GRM5: variants seen among roughly 807,000 people sequenced by gnomAD.
GRM5 encodes metabotropic glutamate receptor 5.
A neutral mutation model predicts 83.1 loss-of-function variants in GRM5; 19 were observed. The observed-to-expected ratio is 0.23, with a 90% CI of 0.16 to 0.34. The LOEUF (loss-of-function observed/expected upper bound fraction) is 0.34. Ranked by LOEUF, GRM5 falls within the 10% of genes least tolerant of loss-of-function variation. The pLI, the probability that GRM5 is intolerant of heterozygous loss-of-function variation, is 1.00. For synonymous variants in GRM5, 675 were observed against 633.6 expected (o/e 1.07, Z -0.98); for missense variants, 1,160 against 1,588.3 (o/e 0.73, Z 4.58).
chr11:88,665,570 A>T (rs1009474039), intron 3 of GRM5, among the ~76,000 whole-genome samples: 1 of 152,200 alleles, frequency 6.6e-6, no homozygotes, highest in Non-Finnish European at 1.5e-5. Flanking sequence ...TTACACTGGG[A>T]TTCAGATTAA....
rs781613423 is a variant in GRM5 at position 88,641,430 on chromosome 11, T to C, written c.1147+11738A>G. On this transcript the variant is annotated intron_variant, in intron 4 of 9. Transcript: ENST00000305447. ...GCCCCTCAAATCTCATATTCTCACATTGCAAAACACAATCACTTCTCAACA... is the reference window on the plus strand; with the variant it reads ...GCCCCTCAAATCTCATATTCTCACACTGCAAAACACAATCACTTCTCAACA... Among the ~76,000 whole-genome samples, 7 of 152,044 alleles carry C rather than the reference T, an allele frequency of 4.6e-5. No homozygotes were observed. The South Asian group carries it at 8.3e-4, about 18-fold the overall frequency.
chr11:88,590,663 A>G lies in GRM5; in HGVS notation c.1628T>C (p.Val543Ala). The change falls in exon 7 of 10, where the codon GTC (valine) becomes GCC (alanine). Residue 543 changes from valine to alanine, a missense_variant. Transcript: ENST00000305447. ...TGCCTTGCATGTGTACTCATCAAAG[A>G]CATACTCATTCTCCTTACAAGGTGT... ...TCTPCKENEYVFDEYTCKACQ... is the reference protein window; with the variant it reads ...TCTPCKENEYAFDEYTCKACQ... 1.2e-6 allele frequency: 2 copies of G among 1,607,566 alleles called. No homozygotes were observed. Among genetic ancestry groups the G allele is most frequent in the Non-Finnish European group, 1.7e-6 (2 of 1,174,102 alleles).
intron 3 of GRM5, among the ~76,000 whole-genome samples, chr11:88,671,614 A>G (rs1413704143): frequency 1.3e-5 from 2 of 152,118 alleles, no homozygotes; most frequent in Non-Finnish European, 2.9e-5. Context: ...CTACCGTTAC[A>G]TGAAGGAAAA....
chr11:89,009,900 CAAAAAAAAAAAAAA>C (rs758398638), intron 2 of GRM5, among the ~76,000 whole-genome samples: 1 of 21,688 alleles, frequency 4.6e-5, no homozygotes, highest in African/African-American at 1.2e-4. Context: ...GACTCCGTCT[CAAAAAAAAAAAAAA>C]AAAAAAAAAA....
chr11:88,562,071 G>T (rs983547263), intron 8 of GRM5, among the ~76,000 whole-genome samples: 4 of 152,056 alleles, frequency 2.6e-5, no homozygotes, highest in African/African-American at 9.7e-5. Context: ...TCCAAAGTAA[G>T]TTCTTTGGAG....
chr11:88,786,374 C>T (rs12802000), intron 3 of GRM5, among the ~76,000 whole-genome samples: 80,035 of 151,916 alleles, frequency 0.53, 23,805 homozygotes, highest in Non-Finnish European at 0.7. Context: ...ATTCTTAATG[C>T]ATTGCTTTGC....
intron 2 of GRM5, among the ~76,000 whole-genome samples, chr11:88,963,847 A>C (rs888243997): frequency 1.3e-5 from 2 of 152,198 alleles, no homozygotes; most frequent in African/African-American, 4.8e-5. Context: ...TCAGTACATT[A>C]TGGCCAATAT....
At chr11:88,782,471 C>T (rs1009571474) in intron 3 of GRM5, among the ~76,000 whole-genome samples, 1 of 152,172 alleles carries the variant, frequency 6.6e-6, no homozygotes, top group African/African-American at 2.4e-5. Flanking sequence ...ATAGCAAAGA[C>T]CTGCCCTTGT....
intron 4 of GRM5, among the ~76,000 whole-genome samples, chr11:88,631,297 A>G (rs1351289426): frequency 6.6e-6 from 1 of 152,174 alleles, no homozygotes; most frequent in Non-Finnish European, 1.5e-5. Flanking sequence ...CAGAGGAAAC[A>G]TCTGTTTTTT....
At chr11:88,994,628 C>G (rs1360203638) in intron 2 of GRM5, among the ~76,000 whole-genome samples, 1 of 125,132 alleles carries the variant, frequency 8.0e-6, no homozygotes, top group Non-Finnish European at 1.6e-5. Flanking sequence ...AAAAAAAAAA[C>G]AGTAAAACAC....
intron 2 of GRM5, among the ~76,000 whole-genome samples, chr11:88,991,812 G>T (rs1433240244): frequency 6.6e-6 from 1 of 152,060 alleles, no homozygotes; most frequent in Non-Finnish European, 1.5e-5. Flanking sequence ...CTAGCCATAT[G>T]TAGAAAGCTG....
chr11:88,603,494 TG>T (rs148957474), intron 5 of GRM5, among the ~76,000 whole-genome samples: 3,600 of 152,300 alleles, frequency 0.024, 136 homozygotes, highest in African/African-American at 0.08. Flanking sequence ...TGTGAAGTTT[TG>T]TTTGGCCCTG....
At chr11:88,517,035 T>C (rs377652927) in intron 9 of GRM5, among the ~76,000 whole-genome samples, 2 of 151,982 alleles carry the variant, frequency 1.3e-5, no homozygotes, top group African/African-American at 4.8e-5. Context: ...ATTTCTAGAT[T>C]AATTGTGTAC....
chr11:88,626,739 G>A (rs1504083), intron 4 of GRM5, among the ~76,000 whole-genome samples: 105,411 of 152,046 alleles, frequency 0.69, 41,805 homozygotes, highest in Non-Finnish European at 0.9. Flanking sequence ...AGGTTTAGAT[G>A]AGCTAATGAG....
chr11:88,621,678 T>C (rs1374824013), intron 4 of GRM5, among the ~76,000 whole-genome samples: 3 of 152,220 alleles, frequency 2.0e-5, no homozygotes, highest in African/African-American at 2.4e-5. Context: ...ATTCACACAG[T>C]GTTCTAGAGT....
At chr11:88,705,014 C>T (rs1941121773) in intron 3 of GRM5, among the ~76,000 whole-genome samples, 1 of 152,040 alleles carries the variant, frequency 6.6e-6, no homozygotes, top group Non-Finnish European at 1.5e-5. Context: ...TCAGCATAAA[C>T]ATAACATATG....
rs1380131857 is a variant in GRM5 at position 88,504,789 on chromosome 11, C to G, written c.*3803G>C. ...GTTCACATCAAAATAATTTAACATT[C>G]TCTATTATTTTAATAGTACAAGCTG... On this transcript the variant is annotated 3_prime_UTR_variant, in exon 10 of 10. Transcript: ENST00000305447. 3 of 152,110 alleles carry G rather than the reference C, an allele frequency of 2.0e-5. No individual in the cohort carries two copies. The South Asian group carries it at 6.2e-4, about 32-fold the overall frequency. 9.4% of individuals were successfully genotyped at this position (152,110 alleles called of 1,614,324 possible). A position where few individuals can be genotyped will look rare whatever the true frequency, so the allele number is the denominator to read the frequency against.
At chr11:88,943,679 T>C (rs1348831594) in intron 2 of GRM5, among the ~76,000 whole-genome samples, 3 of 152,060 alleles carry the variant, frequency 2.0e-5, no homozygotes, top group South Asian at 2.1e-4. Context: ...GTAGTTTTAG[T>C]ATAGGAGAAA....
intron 3 of GRM5, among the ~76,000 whole-genome samples, chr11:88,720,809 TGTGTGTGTGTGC>T (rs749996868): frequency 0.044 from 5,953 of 134,474 alleles, 220 homozygotes; most frequent in East Asian, 0.13. Flanking sequence ...TGTGTGTGTG[TGTGTGTGTGTGC>T]GTGTGTGTGT....
Sources: gnomAD v4.1 joint callset for allele counts (sites outside exome capture counted in the v4.1 genomes callset) on GRCh38, gnomAD v4.1.1 for gene constraint, MANE v1.5 for transcripts, NCBI Gene and HGNC (gene_info 2026-07-23, HGNC 2026-07-21) for gene names.